The following SSBP2 variants were observed in gnomAD, a reference collection of about 807,000 sequenced individuals.
SSBP2 encodes the protein single stranded DNA binding protein 2, also known as single-stranded DNA-binding protein 2.
In SSBP2, 17 loss-of-function variants were observed where a neutral mutation model predicts 61.8. The ratio of observed to expected loss-of-function variants is 0.28; its 90% CI spans 0.19 to 0.41. The LOEUF (loss-of-function observed/expected upper bound fraction) is 0.41, where lower values mean the gene tolerates loss of function less well. Among genes scored for constraint, SSBP2 ranks in the 10% least tolerant of loss-of-function variants. The pLI is 1.00. For synonymous variants in SSBP2, 139 were observed against 141.3 expected (o/e 0.98, Z 0.12); for missense variants, 310 against 458.7 (o/e 0.68, Z 2.96).
At chr5:81,632,524 G>C (rs1258220849) in intron 3 of SSBP2, among the ~76,000 whole-genome samples, 2 of 152,182 alleles carry the variant, frequency 1.3e-5, no homozygotes, top group Non-Finnish European at 1.5e-5. Flanking sequence ...AGGAATAGAA[G>C]AAATGAACTT....
At chr5:81,748,934 G>A (rs917080048) in intron 1 of SSBP2, among the ~76,000 whole-genome samples, 1 of 152,034 alleles carries the variant, frequency 6.6e-6, no homozygotes, top group African/African-American at 2.4e-5. Context: ...AGGATACTGA[G>A]TGGGATTCAA....
chr5:81,677,064 G>T (rs1329105783), intron 1 of SSBP2, among the ~76,000 whole-genome samples: 2 of 152,074 alleles, frequency 1.3e-5, no homozygotes, highest in Non-Finnish European at 2.9e-5. Context: ...TGTTTCTCAA[G>T]TTTACTTTAG....
intron 4 of SSBP2, among the ~76,000 whole-genome samples, chr5:81,575,621 GAGA>G (rs1430998906): frequency 1.3e-5 from 2 of 151,990 alleles, no homozygotes; most frequent in South Asian, 2.1e-4. Context: ...AACAGAAAAT[GAGA>G]AGAATACATA....
chr5:81,448,049 C>T (rs1763516416), intron 11 of SSBP2: 1 of 152,016 alleles, frequency 6.6e-6, no homozygotes, highest in Admixed American at 6.6e-5. Context: ...AGCTAGCCAC[C>T]ACCTCTGAAC....
intron 15 of SSBP2, among the ~76,000 whole-genome samples, chr5:81,433,516 C>G (rs35810595): frequency 0.3 from 45,331 of 150,190 alleles, 7,419 homozygotes; most frequent in African/African-American, 0.39. Flanking sequence ...ATCTGCTGAC[C>G]TTCCCTCCTT....
At chr5:81,481,832 G>GTA (rs1766014313) in intron 6 of SSBP2, among the ~76,000 whole-genome samples, 1 of 151,662 alleles carries the variant, frequency 6.6e-6, no homozygotes, top group African/African-American at 2.4e-5. Context: ...TCTCTGAGTA[G>GTA]TAGGTCTCCA....
chr5:81,489,976 C>T (rs562572586), intron 5 of SSBP2, among the ~76,000 whole-genome samples: 1 of 151,496 alleles, frequency 6.6e-6, no homozygotes, highest in African/African-American at 2.4e-5. Flanking sequence ...CATGACCATG[C>T]CTGTAAACAG....
intron 4 of SSBP2, among the ~76,000 whole-genome samples, chr5:81,612,751 T>C (rs1229556497): frequency 6.6e-6 from 1 of 152,040 alleles, no homozygotes; most frequent in Non-Finnish European, 1.5e-5. Flanking sequence ...TTGAGTACTT[T>C]ATTTTAAATT....
At chr5:81,735,874 A>T (rs1189079469) in intron 1 of SSBP2, among the ~76,000 whole-genome samples, 2 of 152,172 alleles carry the variant, frequency 1.3e-5, no homozygotes. Context: ...CTCCTCTGAG[A>T]TTAAGCTTAT....
chr5:81,647,452 T>C (rs1749366024), intron 2 of SSBP2, among the ~76,000 whole-genome samples: 1 of 152,134 alleles, frequency 6.6e-6, no homozygotes, highest in South Asian at 2.1e-4. Context: ...TAATCTAACT[T>C]ATTATTTTAC....
chr5:81,589,545 T>C (rs1389084275), intron 4 of SSBP2, among the ~76,000 whole-genome samples: 2 of 152,220 alleles, frequency 1.3e-5, no homozygotes, highest in South Asian at 2.1e-4. Context: ...TTATATACAA[T>C]ATCTCATCTG....
intron 4 of SSBP2, among the ~76,000 whole-genome samples, chr5:81,592,214 C>T (rs539803012): frequency 2.6e-5 from 4 of 152,350 alleles, no homozygotes; most frequent in East Asian, 1.9e-4. Context: ...GAGGGTCCTA[C>T]GCCCACAGAG....
intron 8 of SSBP2, among the ~76,000 whole-genome samples, chr5:81,468,127 T>G (rs1051677634): frequency 6.6e-6 from 1 of 152,066 alleles, no homozygotes; most frequent in African/African-American, 2.4e-5. Flanking sequence ...TTCTTTGTAC[T>G]GCTTTCCTCG....
intron 4 of SSBP2, among the ~76,000 whole-genome samples, chr5:81,526,006 T>C (rs1305663649): frequency 6.6e-6 from 1 of 152,088 alleles, no homozygotes; most frequent in East Asian, 1.9e-4. Flanking sequence ...GTGTTGATTT[T>C]TCCAGGAAGA....
At chr5:81,637,662 C>T (rs979128494) in intron 2 of SSBP2, among the ~76,000 whole-genome samples, 2 of 152,058 alleles carry the variant, frequency 1.3e-5, no homozygotes, top group Non-Finnish European at 2.9e-5. Flanking sequence ...ATAATAGTCA[C>T]CTATATCACA....
At chr5:81,432,270 C>A (rs1762340878) in intron 15 of SSBP2, among the ~76,000 whole-genome samples, 1 of 152,038 alleles carries the variant, frequency 6.6e-6, no homozygotes, top group South Asian at 2.1e-4. Flanking sequence ...TGTAGGATCT[C>A]TAACTGGAGC....
chr5:81,602,398 C>T (rs886662099), intron 4 of SSBP2, among the ~76,000 whole-genome samples: 1 of 152,152 alleles, frequency 6.6e-6, no homozygotes, highest in Non-Finnish European at 1.5e-5. Context: ...CTACCTTGGG[C>T]TCCCTGTGAG....
At chr5:81,730,157 A>C (rs1756159700) in intron 1 of SSBP2, among the ~76,000 whole-genome samples, 1 of 152,230 alleles carries the variant, frequency 6.6e-6, no homozygotes, top group African/African-American at 2.4e-5. Flanking sequence ...ATAAATCACA[A>C]GTACTTTTTA....
rs79150352 is a variant in SSBP2 at position 81,628,739 on chromosome 5, A to C, written c.197+7818T>G. The stretch of plus-strand genomic sequence containing the variant: ...AAGGAAAAGAAAAAGTGATTAGGGA[A>C]ATCACATTAGAAACAAGGGAAAAAA... On this transcript the variant is annotated intron_variant, in intron 3 of 16. Coordinates refer to ENST00000320672, the MANE Select transcript of SSBP2 (RefSeq NM_012446.5). Among the ~76,000 whole-genome samples the C allele has an allele frequency of 2.6e-3, 396 of 152,322 alleles. 2 individuals carry two copies. Among genetic ancestry groups the C allele is most frequent in the African/African-American group, 8.3e-3 (343 of 41,560 alleles).
Sources: allele counts gnomAD v4.1 joint callset (sites outside exome capture counted in the v4.1 genomes callset), GRCh38; gene constraint gnomAD v4.1.1; transcripts MANE v1.5; gene names NCBI Gene and HGNC (gene_info 2026-07-23, HGNC 2026-07-21).